ARL15: variants seen among roughly 807,000 people sequenced by gnomAD.
ARL15 encodes the protein ARF like GTPase 15.
A neutral mutation model predicts 25.2 loss-of-function variants in ARL15; 19 were observed. That is an observed-to-expected ratio of 0.75 (90% CI 0.53 to 1.10). The LOEUF is 1.10. ARL15 is among the 50% of genes least tolerant of loss of function. ARL15 has a pLI of 0.00. For synonymous variants in ARL15, 94 were observed against 86.8 expected (o/e 1.08, Z -0.46); for missense variants, 220 against 246.0 (o/e 0.89, Z 0.71).
In ARL15 at chr5:54,127,847, C is replaced by T. The variant is rs371840862; in HGVS notation, c.254-14437G>A. 3.8e-4 allele frequency among the ~76,000 whole-genome samples: 58 copies of T among 151,364 alleles called. No individual in the cohort carries two copies. The East Asian group carries it at 5.3e-3, about 14-fold the overall frequency. ...TATAGATCAATGGAACAGAACAGAG[C>T]CCTCAGAAATAATGCCGCATATCTA... On this transcript the variant is annotated intron_variant, in intron 3 of 4. Coordinates refer to ENST00000504924, the MANE Select transcript of ARL15 (RefSeq NM_019087.3).
chr5:53,937,825 CAAA>C (rs34514317), intron 4 of ARL15, among the ~76,000 whole-genome samples: 18 of 141,742 alleles, frequency 1.3e-4, no homozygotes, highest in South Asian at 4.5e-4. Flanking sequence ...TATGAAATGG[CAAA>C]AAAAAAAAAG....
chr5:54,104,297 A>T (rs939487589), intron 4 of ARL15, among the ~76,000 whole-genome samples: 1 of 152,142 alleles, frequency 6.6e-6, no homozygotes, highest in African/African-American at 2.4e-5. Context: ...TTTATTACTT[A>T]ATTTGCAATA....
chr5:54,152,064 C>T (rs1023748784), intron 3 of ARL15, among the ~76,000 whole-genome samples: 6 of 152,132 alleles, frequency 3.9e-5, no homozygotes, highest in African/African-American at 7.2e-5. Flanking sequence ...TGAGGTCCTC[C>T]CCTGAATTCA....
intron 4 of ARL15, among the ~76,000 whole-genome samples, chr5:53,937,135 G>A (rs1311644365): frequency 6.6e-6 from 1 of 152,134 alleles, no homozygotes; most frequent in Non-Finnish European, 1.5e-5. Flanking sequence ...TCCGTCCCCG[G>A]AGGCTCGGTG....
chr5:54,012,820 G>T (rs1749290146), intron 4 of ARL15, among the ~76,000 whole-genome samples: 1 of 140,288 alleles, frequency 7.1e-6, no homozygotes, highest in South Asian at 2.4e-4. Flanking sequence ...CACCACGCTG[G>T]ACTCTTTTTT....
chr5:54,296,756 A>G (rs376287706), intron 1 of ARL15, among the ~76,000 whole-genome samples: 3 of 152,382 alleles, frequency 2.0e-5, no homozygotes, highest in East Asian at 3.9e-4. Context: ...ACTTCTGTGC[A>G]GTGTCTAACA....
At chr5:54,204,933 C>CTTTTT (rs5867921) in intron 1 of ARL15, among the ~76,000 whole-genome samples, 7 of 138,174 alleles carry the variant, frequency 5.1e-5, no homozygotes, top group African/African-American at 8.1e-5. Flanking sequence ...ATTCCCTTGC[C>CTTTTT]TTTTTTTTTT....
chr5:54,000,727 A>G (rs59061738), intron 4 of ARL15, among the ~76,000 whole-genome samples: 41,956 of 152,094 alleles, frequency 0.28, 6,027 homozygotes, highest in East Asian at 0.46. Flanking sequence ...AACCAAAAAA[A>G]GGGAAATAAA....
intron 4 of ARL15, among the ~76,000 whole-genome samples, chr5:54,017,522 T>A (rs1749462326): frequency 6.6e-6 from 1 of 150,444 alleles, no homozygotes; most frequent in East Asian, 2.0e-4. Flanking sequence ...AGGTTGACAT[T>A]CCCACACCAC....
At chr5:53,991,344 C>A (rs1409271274) in intron 4 of ARL15, among the ~76,000 whole-genome samples, 1 of 151,896 alleles carries the variant, frequency 6.6e-6, no homozygotes, top group East Asian at 1.9e-4. Flanking sequence ...GAGTTCGAGA[C>A]CAGCCTGACC....
At chr5:53,937,555 C>T (rs902512769) in intron 4 of ARL15, among the ~76,000 whole-genome samples, 2 of 152,094 alleles carry the variant, frequency 1.3e-5, no homozygotes, top group African/African-American at 2.4e-5. Flanking sequence ...GTTTTTACTA[C>T]GGCTTTTCTA....
In ARL15 at chr5:53,965,593, G is replaced by A. The variant is rs114361135; in HGVS notation, c.463-78880C>T. Among the ~76,000 whole-genome samples, 707 of 151,876 alleles carry A rather than the reference G, an allele frequency of 4.7e-3. 10 individuals carry two copies. The highest frequency in any genetic ancestry group is 0.016 in the African/African-American group (664 of 41,390). ...TTGAATTAAATGGGCCATGGACTGT[G>A]TGTGCATTTTGGGATTCTATTTCTG... On this transcript the variant is annotated intron_variant, in intron 4 of 4. Transcript: ENST00000504924.
intron 3 of ARL15, among the ~76,000 whole-genome samples, chr5:54,146,677 T>C (rs1254105495): frequency 6.6e-6 from 1 of 152,088 alleles, no homozygotes; most frequent in Non-Finnish European, 1.5e-5. Flanking sequence ...AGCTGGAAGA[T>C]ACGAAATGAC....
intron 2 of ARL15, among the ~76,000 whole-genome samples, chr5:54,163,356 CTTTTTTTTTTTTTTTTTTTTT>C (rs869196680): frequency 1.8e-5 from 1 of 55,652 alleles, no homozygotes; most frequent in Admixed American, 2.7e-4. Context: ...TGGTATGAAG[CTTTTTTTTTTTTTTTTTTTTT>C]TTTTTTTTTT....
At chr5:54,229,900 CCT>C (rs755383442) in intron 1 of ARL15, among the ~76,000 whole-genome samples, 30 of 152,228 alleles carry the variant, frequency 2.0e-4, no homozygotes, top group Non-Finnish European at 4.0e-4. Context: ...TGACTTTAAA[CCT>C]GGATTCATAG....
intron 3 of ARL15, among the ~76,000 whole-genome samples, chr5:54,115,899 C>T (rs1023230035): frequency 5.3e-5 from 8 of 152,100 alleles, no homozygotes; most frequent in East Asian, 1.9e-4. Flanking sequence ...ATCTTAGGTC[C>T]GGTTCCCTAG....
intron 4 of ARL15, among the ~76,000 whole-genome samples, chr5:53,982,788 T>G (rs1748166797): frequency 2.6e-5 from 4 of 152,300 alleles, no homozygotes; most frequent in Admixed American, 2.6e-4. Context: ...TTGAACTAAT[T>G]TACACTCCCA....
chr5:54,175,483 C>T (rs373579343), intron 1 of ARL15, among the ~76,000 whole-genome samples: 173 of 151,886 alleles, frequency 1.1e-3, no homozygotes, highest in African/African-American at 3.7e-3. Context: ...TACAGGTATG[C>T]GCCACCACAC....
intron 4 of ARL15, among the ~76,000 whole-genome samples, chr5:53,898,011 CATT>C (rs1344976044): frequency 1.3e-5 from 2 of 152,026 alleles, no homozygotes; most frequent in African/African-American, 4.8e-5. Context: ...AATAAAATGT[CATT>C]AATAAGATAA....
Sources: allele counts gnomAD v4.1 joint callset (sites outside exome capture counted in the v4.1 genomes callset), GRCh38; gene constraint gnomAD v4.1.1; transcripts MANE v1.5; gene names NCBI Gene and HGNC (gene_info 2026-07-23, HGNC 2026-07-21).